The following HNRNPM variants were observed in gnomAD, a reference collection of about 807,000 sequenced individuals.
HNRNPM encodes the protein heterogeneous nuclear ribonucleoprotein M.
HNRNPM carries 11 observed loss-of-function variants against 73.1 expected under a neutral mutation model. The ratio of observed to expected loss-of-function variants is 0.15; its 90% CI spans 0.09 to 0.25. The LOEUF (loss-of-function observed/expected upper bound fraction) is 0.25. Among genes scored for constraint, HNRNPM ranks in the 10% least tolerant of loss-of-function variants. HNRNPM has a pLI of 1.00. For synonymous variants in HNRNPM, 407 were observed against 355.2 expected, an observed-to-expected ratio of 1.15 and a Z score of -1.64; for missense variants, 789 against 1,067.9, an observed-to-expected ratio of 0.74 and a Z score of 3.64.
chr19:8,450,727 A>ATTAT (rs1555697585), intron 1 of HNRNPM, among the ~76,000 whole-genome samples: 1,419 of 125,362 alleles, frequency 0.011, 18 homozygotes, highest in African/African-American at 0.021. Flanking sequence ...TATTATTATT[A>ATTAT]TTTTTTTTTT....
intron 12 of HNRNPM, among the ~76,000 whole-genome samples, chr19:8,479,410 T>G (rs887740021): frequency 6.6e-6 from 1 of 152,144 alleles, no homozygotes; most frequent in Non-Finnish European, 1.5e-5. Flanking sequence ...AGCTGTATTC[T>G]TCAAATTTAT....
intron 10 of HNRNPM, among the ~76,000 whole-genome samples, chr19:8,472,172 G>GAAAA (rs34058302): frequency 2.4e-5 from 2 of 83,574 alleles, no homozygotes; most frequent in Non-Finnish European, 2.3e-5. Flanking sequence ...TCCGTCTCCA[G>GAAAA]AAAAAAAAAA....
At position 8,486,091 on chromosome 19, in the gene HNRNPM, C is replaced by T; in HGVS notation, c.1663C>T (p.Leu555=). 2 of 1,604,114 alleles carry T rather than the reference C, an allele frequency of 1.2e-6. No individual in the cohort carries two copies. The highest frequency in any genetic ancestry group is 2.2e-5 in the South Asian group (2 of 90,930). ...GPVMDRMATG[L]ERMGANNLER... is the part of the protein sequence containing the mutation. The stretch of plus-strand genomic sequence containing the variant: ...CGTGATGGATCGCATGGCCACCGGC[C>T]TGGAGCGCATGGGCGCCAACAATCT... Residue 555 remains leucine, a synonymous_variant, in exon 14 of 16, where the codon CTG becomes TTG. Transcript: ENST00000325495.
At chr19:8,445,138 G>A in intron 1 of HNRNPM, 27 bp downstream of exon 1, 1 of 1,367,978 alleles carries the variant, frequency 7.3e-7, no homozygotes. Context: ...CCTTTGCCAC[G>A]GGTAAGGGTT....
rs539265358 is a variant in HNRNPM, at chr19:8,479,277, A to G, written c.1121-3881A>G. Among the ~76,000 whole-genome samples the G allele has an allele frequency of 2.1e-3, 321 of 151,464 alleles. 1 individual carries two copies. The highest frequency in any genetic ancestry group is 3.5e-3 in the Non-Finnish European group (234 of 67,824). On this transcript the variant is annotated intron_variant, in intron 12 of 15. Coordinates refer to ENST00000325495, the MANE Select transcript of HNRNPM (RefSeq NM_005968.5). ...TGTATTTTTAATGAGATAGGGTTTC[A>G]CTGTGTTGGCCAGGCTGGTCTTGAG...
intron 12 of HNRNPM, among the ~76,000 whole-genome samples, chr19:8,480,752 C>G (rs1970859784): frequency 6.6e-6 from 1 of 152,094 alleles, no homozygotes; most frequent in South Asian, 2.1e-4. Flanking sequence ...TGCAGCACCT[C>G]TCGCCTAATT....
Position 8,466,399 on chromosome 19 carries a change from G to A in HNRNPM, c.784+11G>A, listed in dbSNP as rs781248167. 1 of 1,613,654 alleles carries A rather than the reference G, an allele frequency of 6.2e-7. No homozygotes were observed. Among genetic ancestry groups the A allele is most frequent in the Non-Finnish European group, 8.5e-7 (1 of 1,179,718 alleles). ...CTGTGCAAGCTATATGTATCCTTCT[G>A]CAGGAATTCAACTTATGAACAGTTT... On this transcript the variant is annotated intron_variant, in intron 7 of 15. Coordinates refer to ENST00000325495, the MANE Select transcript of HNRNPM (RefSeq NM_005968.5).
At chr19:8,448,614 A>G (rs1968387528) in intron 1 of HNRNPM, among the ~76,000 whole-genome samples, 1 of 151,908 alleles carries the variant, frequency 6.6e-6, no homozygotes, top group Admixed American at 6.6e-5. Context: ...AGTAGCTGGG[A>G]CTACAGGCGC....
At chr19:8,445,184 G>A in intron 1 of HNRNPM, 73 bp downstream of exon 1, 1 of 1,271,106 alleles carries the variant, frequency 7.9e-7, no homozygotes, top group South Asian at 2.1e-5. Flanking sequence ...GGCTCCGTTA[G>A]GTCTGTTGGC....
chr19:8,468,232 C>T (rs1036090634), intron 8 of HNRNPM, among the ~76,000 whole-genome samples: 2 of 152,128 alleles, frequency 1.3e-5, no homozygotes, highest in African/African-American at 4.8e-5. Context: ...GTTTGGTTAG[C>T]ATCAAATCTG....
chr19:8,469,342 G>A (rs1969975608), intron 9 of HNRNPM, among the ~76,000 whole-genome samples: 3 of 152,202 alleles, frequency 2.0e-5, no homozygotes, highest in African/African-American at 4.8e-5. Flanking sequence ...GCCTGAGGCC[G>A]GGAAGGAGTA....
chr19:8,468,639 C>G (rs1282132294), intron 8 of HNRNPM, 135 bp from the exon 9 acceptor site: 6 of 668,874 alleles, frequency 9.0e-6, no homozygotes, highest in Non-Finnish European at 1.6e-5. Flanking sequence ...TGCCTTTCTA[C>G]CCTTGCGTAT....
chr19:8,484,286 C>T (rs1437729147), intron 13 of HNRNPM, among the ~76,000 whole-genome samples: 2 of 151,820 alleles, frequency 1.3e-5, no homozygotes, highest in African/African-American at 2.4e-5. Context: ...AAGCGATTCT[C>T]CTGCCTCAGC....
Position 8,474,182 on chromosome 19 carries a change from T to TTGG in HNRNPM, c.1066_1068dup (p.Gly356dup). 1 of 1,598,266 alleles carries TTGG rather than the reference T, an allele frequency of 6.3e-7. No homozygotes were observed. Among genetic ancestry groups the TTGG allele is most frequent in the South Asian group, 1.1e-5 (1 of 88,766 alleles). The stretch of plus-strand genomic sequence containing the variant: ...TCTCTTGCAGGAATGGAGGGGCCCT[T>TTGG]TGGTGGTGGTATGGAAAACATGGGT... On this transcript the variant is annotated inframe_insertion, in exon 12 of 16. Coordinates refer to ENST00000325495, the MANE Select transcript of HNRNPM (RefSeq NM_005968.5).
At chr19:8,459,433 A>G (rs929773683) in intron 2 of HNRNPM, among the ~76,000 whole-genome samples, 2 of 152,108 alleles carry the variant, frequency 1.3e-5, no homozygotes, top group Admixed American at 6.5e-5. Flanking sequence ...TTATTTTGCC[A>G]TGTTTCAAGG....
At chr19:8,468,736 C>T (rs750196672) in intron 8 of HNRNPM, 38 bp from the exon 9 acceptor site, 4 of 1,550,256 alleles carry the variant, frequency 2.6e-6, no homozygotes, top group South Asian at 2.2e-5. Flanking sequence ...CACTGCTGCA[C>T]TGGATACTGA....
intron 1 of HNRNPM, 117 bp from the exon 2 acceptor site, chr19:8,455,288 G>T: frequency 1.2e-6 from 1 of 868,286 alleles, no homozygotes; most frequent in East Asian, 2.6e-5. Flanking sequence ...ACCAATACTA[G>T]TCTTGTGTCA....
chr19:8,458,646 G>A (rs1243675577), intron 2 of HNRNPM, among the ~76,000 whole-genome samples: 4 of 152,218 alleles, frequency 2.6e-5, no homozygotes, highest in Non-Finnish European at 5.9e-5. Flanking sequence ...ACCCTCAGTC[G>A]ATCCGAAGTT....
chr19:8,488,635 CCAAAATCTAA>C, intron 15 of HNRNPM, 46 bp from the exon 16 acceptor site: 1 of 1,552,140 alleles, frequency 6.4e-7, no homozygotes, highest in Non-Finnish European at 8.8e-7. Flanking sequence ...ACTCTGTCCA[CCAAAATCTAA>C]CAAAATCGGG....
Sources: allele counts gnomAD v4.1 joint callset (sites outside exome capture counted in the v4.1 genomes callset), GRCh38; gene constraint gnomAD v4.1.1; transcripts MANE v1.5; gene names NCBI Gene and HGNC (gene_info 2026-07-23, HGNC 2026-07-21).